Variants in SLC14A2 observed in about 807,000 individuals in gnomAD.
SLC14A2 encodes urea transporter 2.
In SLC14A2, 91 loss-of-function variants were observed where a neutral mutation model predicts 104.6. That is an observed-to-expected ratio of 0.87 (90% CI 0.73 to 1.04). The LOEUF (loss-of-function observed/expected upper bound fraction) is 1.04. Among genes scored for constraint, SLC14A2 ranks in the 50% least tolerant of loss-of-function variants. The probability of loss-of-function intolerance (pLI) is 0.00; values close to 1 mark genes in which losing one functional copy is unlikely to be tolerated. For missense variants in SLC14A2, 1,189 were observed against 1,156.0 expected, an observed-to-expected ratio of 1.03 and a Z score of -0.41; for synonymous variants, 476 against 466.4, an observed-to-expected ratio of 1.02 and a Z score of -0.27.
At chr18:45,354,757 A>G (rs1336653236) in intron 1 of SLC14A2, among the ~76,000 whole-genome samples, 1 of 152,196 alleles carries the variant, frequency 6.6e-6, no homozygotes, top group Non-Finnish European at 1.5e-5. Flanking sequence ...TATATGCTGC[A>G]CTTCCCCAAC....
intron 10 of SLC14A2, among the ~76,000 whole-genome samples, chr18:45,663,038 C>A (rs149890997): frequency 1.3e-5 from 2 of 152,218 alleles, no homozygotes; most frequent in African/African-American, 4.8e-5. Context: ...TAATAAGGTA[C>A]AGCAGAGTGC....
At chr18:45,647,632 G>A (rs1006363582) in intron 10 of SLC14A2, 2 of 152,138 alleles carry the variant, frequency 1.3e-5, no homozygotes, top group Non-Finnish European at 2.9e-5. Flanking sequence ...TTTCTCCTGA[G>A]TACAGCTTTA....
At chr18:45,548,105 A>G (rs1325162244) in intron 2 of SLC14A2, among the ~76,000 whole-genome samples, 1 of 152,200 alleles carries the variant, frequency 6.6e-6, no homozygotes, top group Non-Finnish European at 1.5e-5. Context: ...GGGAGGCAGG[A>G]GTCAAAACAA....
rs73952846 is a variant in SLC14A2 at position 45,313,045 on chromosome 18, G to T, written c.-125+99854G>T. ...CAGATCTTTCTTCTAAGACAAATGG[G>T]CACCTGCTGATGCAATGCAGCTGGC... On this transcript the variant is annotated intron_variant, in intron 1 of 20. Coordinates refer to the SLC14A2 transcript ENST00000586448. 1.6e-4 allele frequency among the ~76,000 whole-genome samples: 24 copies of T among 152,324 alleles called. 1 individual carries two copies. The highest frequency in any genetic ancestry group is 5.8e-4 in the African/African-American group (24 of 41,584).
chr18:45,529,427 C>T (rs2043647734), intron 2 of SLC14A2: 3 of 152,126 alleles, frequency 2.0e-5, no homozygotes. Flanking sequence ...CAACCTGGTA[C>T]TTCCTCCTCA....
intron 1 of SLC14A2, among the ~76,000 whole-genome samples, chr18:45,378,130 A>G (rs1199524635): frequency 1.3e-5 from 2 of 152,200 alleles, no homozygotes; most frequent in Non-Finnish European, 2.9e-5. Context: ...TTGAATTTAT[A>G]GTTATTTATC....
chr18:45,442,439 G>T (rs1193836409), intron 1 of SLC14A2, among the ~76,000 whole-genome samples: 2 of 152,086 alleles, frequency 1.3e-5, no homozygotes, highest in East Asian at 3.9e-4. Flanking sequence ...GGCAATCTTT[G>T]ACTTTCGTTG....
intron 1 of SLC14A2, among the ~76,000 whole-genome samples, chr18:45,453,267 T>A (rs1234170657): frequency 6.6e-6 from 1 of 152,132 alleles, no homozygotes; most frequent in Non-Finnish European, 1.5e-5. Flanking sequence ...GAGGCTCCCC[T>A]CTGCCTTTAG....
At chr18:45,211,514 C>A (rs981582958), upstream of SLC14A2, among the ~76,000 whole-genome samples, 1 of 152,148 alleles carries the variant, frequency 6.6e-6, no homozygotes, top group Non-Finnish European at 1.5e-5. Context: ...AATTAATTGT[C>A]ATGTTGATCT....
chr18:45,173,603 A>G, the SLC14A2 span, among the ~76,000 whole-genome samples: 2 of 152,092 alleles, frequency 1.3e-5, no homozygotes, highest in Non-Finnish European at 2.9e-5. Flanking sequence ...TGGGCTAGTG[A>G]AGAGGCCAAT....
chr18:45,561,443 C>T (rs568000911), intron 2 of SLC14A2, among the ~76,000 whole-genome samples: 2 of 152,112 alleles, frequency 1.3e-5, no homozygotes, highest in Non-Finnish European at 2.9e-5. Flanking sequence ...TTCCAGAGGC[C>T]ACGTTCCTGG....
At chr18:45,620,753 C>G (rs1482978555) in intron 1 of SLC14A2, among the ~76,000 whole-genome samples, 1 of 152,112 alleles carries the variant, frequency 6.6e-6, no homozygotes, top group Non-Finnish European at 1.5e-5. Flanking sequence ...AGCCCCACCA[C>G]TTAAAAGAAC....
intron 1 of SLC14A2, among the ~76,000 whole-genome samples, chr18:45,216,062 C>G (rs1458771029): frequency 6.6e-6 from 1 of 152,194 alleles, no homozygotes; most frequent in Non-Finnish European, 1.5e-5. Context: ...TTCACACACT[C>G]TTGAGTTAAT....
chr18:45,338,229 C>T (rs556165327), intron 1 of SLC14A2, among the ~76,000 whole-genome samples: 36 of 152,156 alleles, frequency 2.4e-4, no homozygotes, highest in African/African-American at 8.7e-4. Context: ...GAGACTGAGT[C>T]TTACTCTGTT....
In SLC14A2 at chr18:45,355,057, T is replaced by C; in HGVS notation, c.-124-128176T>C. ...TGCCTTTGAGATGAGGAAACAGGGC[T>C]CCTTCACCTCCTGGTTCTACAATCT... On this transcript the variant is annotated intron_variant, in intron 1 of 20. Coordinates refer to the SLC14A2 transcript ENST00000586448. Among the ~76,000 whole-genome samples, 2 of 152,214 alleles carry C rather than the reference T, an allele frequency of 1.3e-5. 1 individual carries two copies. Among genetic ancestry groups the C allele is most frequent in the Non-Finnish European group, 2.9e-5 (2 of 68,034 alleles).
chr18:45,230,347 G>A (rs895896588), intron 1 of SLC14A2, among the ~76,000 whole-genome samples: 1 of 152,174 alleles, frequency 6.6e-6, no homozygotes, highest in Non-Finnish European at 1.5e-5. Context: ...TGTTTTGGGG[G>A]GCTTCTAGGG....
chr18:45,363,504 C>T (rs1365384463), intron 1 of SLC14A2, among the ~76,000 whole-genome samples: 1 of 152,092 alleles, frequency 6.6e-6, no homozygotes, highest in Non-Finnish European at 1.5e-5. Flanking sequence ...AGCCTCCTGA[C>T]TCAAATCTTG....
intron 1 of SLC14A2, among the ~76,000 whole-genome samples, chr18:45,391,374 C>T (rs528605726): frequency 1.6e-3 from 248 of 152,226 alleles, no homozygotes; most frequent in African/African-American, 4.8e-3. Flanking sequence ...TGAATAGTGC[C>T]GCAATAAACA....
intron 1 of SLC14A2, among the ~76,000 whole-genome samples, chr18:45,622,584 T>G (rs998117695): frequency 4.6e-5 from 7 of 151,996 alleles, no homozygotes; most frequent in Admixed American, 4.6e-4. Flanking sequence ...GTCACCTGGG[T>G]AGGAGCACCA....
Sources: allele counts gnomAD v4.1 joint callset (sites outside exome capture counted in the v4.1 genomes callset), GRCh38; gene constraint gnomAD v4.1.1; transcripts MANE v1.5; gene names NCBI Gene and HGNC (gene_info 2026-07-23, HGNC 2026-07-21).